Variants in SAMSN1 observed in about 807,000 individuals in gnomAD.
SAMSN1 encodes SAM domain, SH3 domain and nuclear localization signals 1, also known as SAM domain-containing protein SAMSN-1.
Under a neutral mutation model 42.0 loss-of-function variants are expected in SAMSN1, and 31 were observed. The ratio of observed to expected loss-of-function variants is 0.74; its 90% CI spans 0.55 to 1.00. SAMSN1 has a LOEUF of 1.00. SAMSN1 is among the 50% of genes least tolerant of loss of function. The probability of loss-of-function intolerance (pLI) is 0.00; values close to 1 mark genes in which losing one functional copy is unlikely to be tolerated. For synonymous variants in SAMSN1, 178 were observed against 151.9 expected (o/e 1.17, Z -1.26); for missense variants, 464 against 439.4 (o/e 1.06, Z -0.50).
chr21:14,581,143 G>A (rs1981700590), intron 2 of SAMSN1, among the ~76,000 whole-genome samples: 2 of 151,808 alleles, frequency 1.3e-5, no homozygotes, highest in South Asian at 2.1e-4. Context: ...TCTTTCTCAC[G>A]TATCACATAA....
chr21:14,516,250 GA>G (rs1987912560), intron 3 of SAMSN1, among the ~76,000 whole-genome samples: 1 of 152,182 alleles, frequency 6.6e-6, no homozygotes, highest in African/African-American at 2.4e-5. Context: ...GTGATAAATG[GA>G]TAAAGTAAAT....
intron 2 of SAMSN1, among the ~76,000 whole-genome samples, chr21:14,630,206 C>G (rs1983294504): frequency 6.6e-6 from 1 of 152,168 alleles, no homozygotes; most frequent in Admixed American, 6.5e-5. Context: ...AGGAACCCAC[C>G]CACAGCTCAA....
At chr21:14,593,291 A>T (rs1348909351) in intron 7 of SAMSN1, among the ~76,000 whole-genome samples, 2 of 152,170 alleles carry the variant, frequency 1.3e-5, no homozygotes, top group Non-Finnish European at 2.9e-5. Context: ...CAATGGTCAA[A>T]TAAGTTGCAA....
chr21:14,580,667 G>A (rs960724020), intron 2 of SAMSN1, among the ~76,000 whole-genome samples: 1 of 152,208 alleles, frequency 6.6e-6, no homozygotes, highest in African/African-American at 2.4e-5. Flanking sequence ...TATTTACTAT[G>A]GCACTTTGAA....
intron 1 of SAMSN1, among the ~76,000 whole-genome samples, chr21:14,537,206 A>T (rs538221614): frequency 6.6e-6 from 1 of 152,278 alleles, no homozygotes; most frequent in Admixed American, 6.5e-5. Flanking sequence ...CACACCAGAG[A>T]CAGTCCCATT....
chr21:14,583,652 A>T (rs1461276969), upstream of SAMSN1: 2 of 717,040 alleles, frequency 2.8e-6, no homozygotes. Context: ...TTACTTACGG[A>T]GGTTTATTAA....
intron 2 of SAMSN1, among the ~76,000 whole-genome samples, chr21:14,640,163 C>T (rs1210526817): frequency 6.6e-6 from 1 of 152,042 alleles, no homozygotes; most frequent in African/African-American, 2.4e-5. Context: ...GGTGAAATTC[C>T]TAGTAAGTAT....
At chr21:14,492,516 G>C (rs768369758) in intron 7 of SAMSN1, among the ~76,000 whole-genome samples, 1 of 152,098 alleles carries the variant, frequency 6.6e-6, no homozygotes, top group Non-Finnish European at 1.5e-5. Flanking sequence ...TAGAAGATTC[G>C]GTCTTGTTTG....
In SAMSN1 at chr21:14,575,894, A is replaced by G. The variant is rs546227902; in HGVS notation, c.261+6242T>C. 1.2e-3 allele frequency among the ~76,000 whole-genome samples: 190 copies of G among 152,146 alleles called. 5 individuals carry two copies. The South Asian group carries it at 0.037, about 29-fold the overall frequency. ...CTTAATTCTTTCTTTGCATATGTCT[A>G]TTTTTCAAAGTCTACATCATGGATT... On this transcript the variant is annotated intron_variant, in intron 2 of 8. Coordinates refer to the SAMSN1 transcript ENST00000285670.
At position 14,517,052 on chromosome 21, in the gene SAMSN1, A is replaced by G. The variant is rs1423498599; in HGVS notation, c.130-11T>C. 1 of 1,597,622 alleles carries G rather than the reference A, an allele frequency of 6.3e-7. No individual in the cohort carries two copies. The highest frequency in any genetic ancestry group is 2.2e-5 in the East Asian group (1 of 44,762). ...ATCTCCTTCATGTGCCTAGTTTAGA[A>G]TTGTTTACAAAAGACAAAATAATAA... On this transcript the variant is annotated splice_polypyrimidine_tract_variant and intron_variant, in intron 2 of 7. Coordinates refer to ENST00000400566, the MANE Select transcript of SAMSN1 (RefSeq NM_022136.5).
chr21:14,530,316 C>CAAAA (rs71183428), intron 1 of SAMSN1, among the ~76,000 whole-genome samples: 39 of 74,708 alleles, frequency 5.2e-4, no homozygotes, highest in African/African-American at 8.8e-4. Context: ...GACTCCGTCT[C>CAAAA]AAAAAAAAAA....
intron 2 of SAMSN1, among the ~76,000 whole-genome samples, chr21:14,618,330 G>C (rs542184189): frequency 6.6e-6 from 1 of 152,288 alleles, no homozygotes; most frequent in South Asian, 2.1e-4. Flanking sequence ...GGAGAGTCAG[G>C]CACATTAAAT....
At chr21:14,658,693 T>C in intron 1 of SAMSN1, 1 of 713,738 alleles carries the variant, frequency 1.4e-6, no homozygotes. Context: ...TTTCATTCCT[T>C]TTGACACAGT....
At chr21:14,580,309 T>C (rs898473178) in intron 2 of SAMSN1, among the ~76,000 whole-genome samples, 6 of 152,164 alleles carry the variant, frequency 3.9e-5, no homozygotes, top group Admixed American at 6.5e-5. Context: ...ACTGAAAAAT[T>C]AGATTGAGTC....
At chr21:14,570,302 T>C (rs1019132135) in intron 2 of SAMSN1, among the ~76,000 whole-genome samples, 11 of 152,178 alleles carry the variant, frequency 7.2e-5, no homozygotes, top group African/African-American at 1.9e-4. Flanking sequence ...ATATGCATTA[T>C]CTATTCATAT....
Position 14,510,531 on chromosome 21 carries a change from CTAAG to C in SAMSN1, c.410-74_410-71del, listed in dbSNP as rs1049364801. On this transcript the variant is annotated intron_variant, in intron 4 of 7. Coordinates refer to ENST00000400566, the MANE Select transcript of SAMSN1 (RefSeq NM_022136.5). ...ATTCTGAATCATCATCTGGACACAA[CTAAG>C]TATTGATAATGCTGGAACACTGGAT... The C allele has an allele frequency of 2.0e-5, 30 of 1,536,694 alleles. No individual in the cohort carries two copies. The African/African-American group carries it at 4.3e-4, about 22-fold the overall frequency.
intron 1 of SAMSN1, among the ~76,000 whole-genome samples, chr21:14,537,468 G>T (rs1979702756): frequency 6.6e-6 from 1 of 151,940 alleles, no homozygotes; most frequent in South Asian, 2.1e-4. Flanking sequence ...AGCAAATATG[G>T]TATCTTTTGT....
At chr21:14,530,061 A>G (rs1979143435) in intron 1 of SAMSN1, among the ~76,000 whole-genome samples, 1 of 152,258 alleles carries the variant, frequency 6.6e-6, no homozygotes, top group South Asian at 2.1e-4. Context: ...TCACGCCTGC[A>G]ATCCCAGCAC....
At chr21:14,561,295 A>G (rs1980940413) in intron 2 of SAMSN1, among the ~76,000 whole-genome samples, 1 of 152,018 alleles carries the variant, frequency 6.6e-6, no homozygotes, top group Non-Finnish European at 1.5e-5. Flanking sequence ...TGCCCACAAA[A>G]TTGTCCATAA....
Sources: allele counts gnomAD v4.1 joint callset (sites outside exome capture counted in the v4.1 genomes callset), GRCh38; gene constraint gnomAD v4.1.1; transcripts MANE v1.5; gene names NCBI Gene and HGNC (gene_info 2026-07-23, HGNC 2026-07-21).